JTB: variants seen among roughly 807,000 people sequenced by gnomAD.
The protein encoded by JTB is jumping translocation breakpoint.
Under a neutral mutation model 22.1 loss-of-function variants are expected in JTB, and 10 were observed. That is an observed-to-expected ratio of 0.45 (90% CI 0.28 to 0.77). JTB has a LOEUF of 0.77. Among genes scored for constraint, JTB ranks in the 30% least tolerant of loss-of-function variants. The pLI is 0.13. For synonymous variants in JTB, 83 were observed against 66.8 expected (o/e 1.24, Z -1.18); for missense variants, 137 against 180.3 (o/e 0.76, Z 1.38).
chr1:153,976,597 T>C, intron 3 of JTB, 96 bp downstream of exon 3: 1 of 1,010,274 alleles, frequency 9.9e-7, no homozygotes, highest in Non-Finnish European at 1.5e-6. Context: ...AAAAAGATGA[T>C]GCAAAGGCAG....
chr1:153,976,795 C>G lies in JTB; in HGVS notation c.122-20G>C. ...TGCTTGCTGAAAGGAAAGATAAATG[C>G]CAGCCCCAGGCCATTCAGAAAACAT... On this transcript the variant is annotated intron_variant, in intron 2 of 4. Transcript: ENST00000271843. 6.2e-7 allele frequency: 1 copy of G among 1,612,910 alleles called. No individual in the cohort carries two copies. The highest frequency in any genetic ancestry group is 8.5e-7 in the Non-Finnish European group (1 of 1,178,836).
intron 2 of JTB, 89 bp downstream of exon 2, chr1:153,976,887 C>G: frequency 6.2e-7 from 1 of 1,602,076 alleles, no homozygotes; most frequent in East Asian, 2.2e-5. Context: ...TGGTGCCGGC[C>G]TTTTCCACCT....
intron 4 of JTB, among the ~76,000 whole-genome samples, chr1:153,975,139 T>A (rs1224343445): frequency 2.0e-5 from 3 of 152,234 alleles, no homozygotes; most frequent in Admixed American, 6.5e-5. Context: ...TTATTATTTT[T>A]GAGATGGTGT....
chr1:153,977,532 G>A lies in JTB; in HGVS notation c.-280C>T, dbSNP rs1283900521. On this transcript the variant is annotated 5_prime_UTR_variant, in exon 1 of 5. Transcript: ENST00000271843. ...GGGCCGGCGGGGGCTCGCGGCCCTA[G>A]CGCCCGCTCACCTCCGCTCCCGCCC... 1 of 1,154,940 alleles carries A rather than the reference G, an allele frequency of 8.7e-7. No individual in the cohort carries two copies. The highest frequency in any genetic ancestry group is 1.1e-6 in the Non-Finnish European group (1 of 934,092). The allele number at this position is 1,154,940 out of a possible 1,614,324, so 71.5% of individuals were successfully genotyped here. A position where few individuals can be genotyped will look rare whatever the true frequency, so the allele number is the denominator to read the frequency against.
chr1:153,974,918 G>A, intron 4 of JTB, 83 bp from the exon 5 acceptor site: 1 of 1,411,768 alleles, frequency 7.1e-7, no homozygotes. Context: ...AGCCTAGCCA[G>A]GATACACTCA....
At chr1:153,975,389 G>T (rs373658607) in intron 4 of JTB, among the ~76,000 whole-genome samples, 1 of 148,380 alleles carries the variant, frequency 6.7e-6, no homozygotes, top group Non-Finnish European at 1.5e-5. Context: ...AAAGTGCTGG[G>T]ATTACAGGCG....
intron 3 of JTB, 33 bp from the exon 4 acceptor site, chr1:153,975,938 G>T: frequency 6.7e-7 from 1 of 1,499,274 alleles, no homozygotes; most frequent in Non-Finnish European, 9.3e-7. Flanking sequence ...GTACATGTTA[G>T]GAAGGGGCAA....
At chr1:153,975,986 G>A in intron 3 of JTB, 81 bp from the exon 4 acceptor site, 1 of 931,364 alleles carries the variant, frequency 1.1e-6, no homozygotes. Flanking sequence ...GAAGGTGCAG[G>A]TGCCCAACTG....
At chr1:153,976,306 C>T (rs1648794014) in intron 3 of JTB, among the ~76,000 whole-genome samples, 1 of 152,146 alleles carries the variant, frequency 6.6e-6, no homozygotes, top group African/African-American at 2.4e-5. Flanking sequence ...ACTAAAAATA[C>T]AAAAATTAGC....
chr1:153,975,420 CTTT>C (rs759464567), intron 4 of JTB, among the ~76,000 whole-genome samples: 8 of 112,358 alleles, frequency 7.1e-5, no homozygotes, highest in Admixed American at 1.0e-4. Flanking sequence ...CTCCCAGCCT[CTTT>C]TTTTTTTTTT....
At chr1:153,975,388 G>A (rs1199812397) in intron 4 of JTB, among the ~76,000 whole-genome samples, 1 of 149,802 alleles carries the variant, frequency 6.7e-6, no homozygotes, top group Non-Finnish European at 1.5e-5. Flanking sequence ...CAAAGTGCTG[G>A]GATTACAGGC....
At position 153,974,693 on chromosome 1, in the gene JTB, T is replaced by C; in HGVS notation, c.427A>G (p.Ile143Val). Residue 143 changes from isoleucine (I) to valine (V), a missense_variant, in exon 5 of 5, where the codon ATC becomes GTC. Physicochemically the swap from Ile to Val is conservative, Grantham distance 29. Transcript: ENST00000271843. The stretch of plus-strand genomic sequence containing the variant: ...GTGGAATGTAGCTATATGGACTCGA[T>C]TTGCTTCCGGACCTTTTCCAGAGCC... ...RKALEKVRKQ[I>V]ESI is the part of the protein sequence containing the mutation. 2 of 1,612,898 alleles carry C rather than the reference T, an allele frequency of 1.2e-6. No individual in the cohort carries two copies. The highest frequency in any genetic ancestry group is 1.7e-6 in the Non-Finnish European group (2 of 1,178,954).
intron 3 of JTB, 40 bp from the exon 4 acceptor site, chr1:153,975,945 G>A: frequency 6.9e-7 from 1 of 1,453,718 alleles, no homozygotes; most frequent in Non-Finnish European, 9.7e-7. Context: ...TTAGGAAGGG[G>A]CAACAGGATA....
intron 3 of JTB, 33 bp downstream of exon 3, chr1:153,976,659 TA>T (rs371751474): frequency 0.035 from 35,811 of 1,011,952 alleles, 86 homozygotes; most frequent in Admixed American, 0.077. Context: ...CTTAGATGTT[TA>T]AAAAAAAAAA....
Position 153,975,875 on chromosome 1 carries a change from A to T in JTB, c.235T>A (p.Tyr79Asn). The T allele has an allele frequency of 6.2e-7, 1 of 1,614,144 alleles. No homozygotes were observed. Among genetic ancestry groups the T allele is most frequent in the Non-Finnish European group, 8.5e-7 (1 of 1,179,976 alleles). Residue 79 changes from tyrosine to asparagine, a missense_variant, in exon 4 of 5, where the codon TAT (tyrosine) becomes AAT (asparagine). By Grantham distance (143) the Tyr-to-Asn change is moderately radical (BLOSUM62 -2). Transcript: ENST00000271843. ...GAGCTGCATGTGATTTTCTCTACAT[A>T]TCCTGTGGGACCACACTCAGGGGTA... ...KTTPECGPTG[Y>N]VEKITCSSSK...
chr1:153,976,988 C>G lies in JTB; in HGVS notation c.109G>C (p.Glu37Gln). Reference protein sequence around the residue: ...LCQAEAPVQEEKLSASTSNLP... With the variant: ...LCQAEAPVQEQKLSASTSNLP... ...GACAATCACCCACCTGACAGCTTCTCTTCCTGCACGGGAGCCTCTGCTTGG... is the reference window on the plus strand; with the variant it reads ...GACAATCACCCACCTGACAGCTTCTGTTCCTGCACGGGAGCCTCTGCTTGG... The change falls in exon 2 of 5, where the codon GAG becomes CAG. Residue 37 changes from glutamate (E) to glutamine (Q), a missense_variant. By Grantham distance (29) the Glu-to-Gln change is conservative. Transcript: ENST00000271843. 2 of 1,614,198 alleles carry G rather than the reference C, an allele frequency of 1.2e-6. No individual in the cohort carries two copies. The highest frequency in any genetic ancestry group is 1.7e-6 in the Non-Finnish European group (2 of 1,180,036).
rs931224951 is a variant in JTB at position 153,976,722 on chromosome 1, C to G, written c.175G>C (p.Glu59Gln). ...CGGAAATTAGAGCATGGAGAGCACT[C>G]TTCTGCTACCACAAACTCTTCCACC... ...WLVEEFVVAEECSPCSNFRAK... is the reference protein window; with the variant it reads ...WLVEEFVVAEQCSPCSNFRAK... Residue 59 changes from glutamate (E) to glutamine (Q), a missense_variant, in exon 3 of 5, where the codon GAG becomes CAG. By Grantham distance (29) the Glu-to-Gln change is conservative (BLOSUM62 2). Transcript: ENST00000271843. The G allele has an allele frequency of 1.5e-5, 25 of 1,613,938 alleles. No individual in the cohort carries two copies. The highest frequency in any genetic ancestry group is 2.0e-5 in the Non-Finnish European group (24 of 1,180,006).
rs1265944407 is a variant in JTB, at chr1:153,977,404, G to A, written c.-152C>T. ...GCCGGAGTTGCCTATTGGAGCAGAGGATCTATCAGGACGTCCCCGTTGCCA... is the reference window on the plus strand; with the variant it reads ...GCCGGAGTTGCCTATTGGAGCAGAGAATCTATCAGGACGTCCCCGTTGCCA... On this transcript the variant is annotated 5_prime_UTR_variant, in exon 1 of 5. Transcript: ENST00000271843. 5.6e-6 allele frequency: 8 copies of A among 1,422,428 alleles called. No individual in the cohort carries two copies. In the African/African-American group the frequency reaches 1.0e-4, roughly 18 times the overall value. The allele number at this position is 1,422,428 out of a possible 1,614,324, so 88.1% of individuals were successfully genotyped here.
intron 4 of JTB, 23 bp from the exon 5 acceptor site, chr1:153,974,858 A>G: frequency 6.3e-7 from 1 of 1,588,318 alleles, no homozygotes; most frequent in Non-Finnish European, 8.6e-7. Flanking sequence ...AGGAATAGTT[A>G]TTCCCAAGGA....
Sources: allele counts gnomAD v4.1 joint callset (sites outside exome capture counted in the v4.1 genomes callset), GRCh38; gene constraint gnomAD v4.1.1; transcripts MANE v1.5; gene names NCBI Gene and HGNC (gene_info 2026-07-23, HGNC 2026-07-21).